SH3RF3: variants seen among roughly 807,000 people sequenced by gnomAD.
The protein encoded by SH3RF3 is SH3 domain containing ring finger 3.
In SH3RF3, 29 loss-of-function variants were observed where a neutral mutation model predicts 66.3. That is an observed-to-expected ratio of 0.44 (90% CI 0.33 to 0.60). SH3RF3 has a LOEUF of 0.60. Ranked by LOEUF, SH3RF3 falls within the 20% of genes least tolerant of loss-of-function variation. The pLI, the probability that SH3RF3 is intolerant of heterozygous loss-of-function variation, is 0.04. For synonymous variants in SH3RF3, 583 were observed against 532.0 expected, an observed-to-expected ratio of 1.10 and a Z score of -1.32; for missense variants, 1,194 against 1,190.9, an observed-to-expected ratio of 1.00 and a Z score of -0.04.
At chr2:109,170,285 T>TC (rs1558938238) in intron 1 of SH3RF3, among the ~76,000 whole-genome samples, 2 of 127,008 alleles carry the variant, frequency 1.6e-5, no homozygotes, top group Admixed American at 8.6e-5. Flanking sequence ...TTCTCTTCTC[T>TC]TCTCTTCTCT....
intron 1 of SH3RF3, among the ~76,000 whole-genome samples, chr2:109,163,235 G>A (rs1208316840): frequency 6.6e-6 from 1 of 152,150 alleles, no homozygotes; most frequent in Non-Finnish European, 1.5e-5. Flanking sequence ...ACTATTTTTG[G>A]TGTGTGGTGT....
At chr2:109,252,255 A>AG (rs34313219) in intron 1 of SH3RF3, among the ~76,000 whole-genome samples, 1 of 10,544 alleles carries the variant, frequency 9.5e-5, no homozygotes, top group Non-Finnish European at 1.4e-4. Flanking sequence ...CTCAGAGGAG[A>AG]AAAAAAAAAA....
chr2:109,199,142 A>G (rs1016570420), intron 1 of SH3RF3, among the ~76,000 whole-genome samples: 3 of 151,774 alleles, frequency 2.0e-5, no homozygotes, highest in Admixed American at 2.0e-4. Context: ...GGTGGATCAC[A>G]AGGTCAGGAG....
intron 8 of SH3RF3, among the ~76,000 whole-genome samples, chr2:109,484,126 T>G (rs1678907511): frequency 6.6e-6 from 1 of 150,774 alleles, no homozygotes; most frequent in African/African-American, 2.4e-5. Context: ...TGGAGTGCAG[T>G]GGCGTGATCT....
At chr2:109,307,769 C>G (rs1456995733) in intron 1 of SH3RF3, among the ~76,000 whole-genome samples, 1 of 148,836 alleles carries the variant, frequency 6.7e-6, no homozygotes, top group African/African-American at 2.5e-5. Context: ...TTTTTTATGG[C>G]TGCATAGTAC....
At chr2:109,489,887 G>A (rs1679085893) in intron 8 of SH3RF3, among the ~76,000 whole-genome samples, 1 of 152,138 alleles carries the variant, frequency 6.6e-6, no homozygotes, top group South Asian at 2.1e-4. Context: ...ACAGGCAAGT[G>A]CCACCACACT....
At chr2:109,191,633 A>G (rs6542801) in intron 1 of SH3RF3, among the ~76,000 whole-genome samples, 124,451 of 152,134 alleles carry the variant, frequency 0.82, 51,037 homozygotes, top group East Asian at 0.89. Context: ...TTGCAGCAAG[A>G]GCAGTCCCAA....
intron 1 of SH3RF3, among the ~76,000 whole-genome samples, chr2:109,146,745 T>A (rs545671113): frequency 6.6e-6 from 1 of 152,204 alleles, no homozygotes; most frequent in South Asian, 2.1e-4. Context: ...TATCTTTTTT[T>A]ACAATCCTTC....
chr2:109,466,185 C>T lies in SH3RF3; in HGVS notation c.2148+16696C>T, dbSNP rs1048834160. On this transcript the variant is annotated intron_variant, in intron 8 of 9. Transcript: ENST00000309415. The stretch of plus-strand genomic sequence containing the variant: ...GCAACCTCTGCCTCCCAGGTTCAAG[C>T]GATTCTCCTGCCTCAGCCTCCCGAG... Among the ~76,000 whole-genome samples, 25 of 146,142 alleles carry T rather than the reference C, an allele frequency of 1.7e-4. 1 individual carries two copies. The highest frequency in any genetic ancestry group is 5.3e-4 in the African/African-American group (21 of 39,678).
intron 4 of SH3RF3, among the ~76,000 whole-genome samples, chr2:109,412,154 C>T (rs1676607767): frequency 6.6e-6 from 1 of 152,382 alleles, no homozygotes; most frequent in African/African-American, 2.4e-5. Flanking sequence ...CCTTCGGCCG[C>T]CGTGGTCCAC....
At chr2:109,455,464 A>G (rs575628145) in intron 8 of SH3RF3, among the ~76,000 whole-genome samples, 1 of 152,368 alleles carries the variant, frequency 6.6e-6, no homozygotes, top group African/African-American at 2.4e-5. Context: ...TGGGGCGTGG[A>G]GTCTGTGGGA....
intron 4 of SH3RF3, among the ~76,000 whole-genome samples, chr2:109,411,776 T>C (rs1425476208): frequency 6.6e-6 from 1 of 152,202 alleles, no homozygotes; most frequent in Non-Finnish European, 1.5e-5. Flanking sequence ...ATTCTTCATC[T>C]TGACCTTTGG....
At chr2:109,391,990 A>T (rs1172894445) in intron 3 of SH3RF3, among the ~76,000 whole-genome samples, 1 of 151,674 alleles carries the variant, frequency 6.6e-6, no homozygotes, top group Non-Finnish European at 1.5e-5. Context: ...GCTAATTTTA[A>T]TTTTTTACAG....
intron 1 of SH3RF3, among the ~76,000 whole-genome samples, chr2:109,139,677 G>A (rs1244365642): frequency 2.6e-5 from 4 of 152,168 alleles, no homozygotes; most frequent in South Asian, 2.1e-4. Flanking sequence ...TAAAGTTGTT[G>A]TCCCCAGCAT....
At chr2:109,190,361 A>G (rs959712809) in intron 1 of SH3RF3, among the ~76,000 whole-genome samples, 1 of 152,186 alleles carries the variant, frequency 6.6e-6, no homozygotes, top group African/African-American at 2.4e-5. Flanking sequence ...TGTAGTAGAG[A>G]TGGGGTTTCG....
At chr2:109,182,756 C>T (rs1465037536) in intron 1 of SH3RF3, among the ~76,000 whole-genome samples, 1 of 152,078 alleles carries the variant, frequency 6.6e-6, no homozygotes, top group Non-Finnish European at 1.5e-5. Flanking sequence ...TAAATGATTT[C>T]TTATTTTTAA....
chr2:109,444,361 T>C (rs922034520), intron 7 of SH3RF3, among the ~76,000 whole-genome samples: 4 of 152,216 alleles, frequency 2.6e-5, no homozygotes, highest in African/African-American at 9.6e-5. Context: ...GAACACACAA[T>C]AGCCAAGTGC....
chr2:109,162,845 C>T (rs1677521068), intron 1 of SH3RF3, among the ~76,000 whole-genome samples: 1 of 151,274 alleles, frequency 6.6e-6, no homozygotes, highest in Non-Finnish European at 1.5e-5. Context: ...GGGTCCTTTT[C>T]TCACCTTGGT....
At chr2:109,365,577 C>T (rs891063796) in intron 2 of SH3RF3, among the ~76,000 whole-genome samples, 11 of 152,088 alleles carry the variant, frequency 7.2e-5, no homozygotes, top group African/African-American at 2.2e-4. Context: ...GACTGGGAGC[C>T]GGACACCCCC....
Sources: allele counts gnomAD v4.1 joint callset (sites outside exome capture counted in the v4.1 genomes callset), GRCh38; gene constraint gnomAD v4.1.1; transcripts MANE v1.5; gene names NCBI Gene and HGNC (gene_info 2026-07-23, HGNC 2026-07-21).